LMAN2: variants seen among roughly 807,000 people sequenced by gnomAD.
LMAN2 encodes the protein lectin, mannose binding 2.
A neutral mutation model predicts 39.3 loss-of-function variants in LMAN2; 22 were observed. The ratio of observed to expected loss-of-function variants is 0.56; its 90% CI spans 0.40 to 0.80. LMAN2 has a LOEUF of 0.80. LMAN2 is among the 30% of genes least tolerant of loss of function. The pLI, the probability that LMAN2 is intolerant of heterozygous loss-of-function variation, is 0.00. For missense variants in LMAN2, 494 were observed against 505.4 expected (o/e 0.98, Z 0.22); for synonymous variants, 207 against 207.8 (o/e 1.00, Z 0.03).
chr5:177,332,057 C>G lies in LMAN2; in HGVS notation c.*29G>C, dbSNP rs370389140. On this transcript the variant is annotated 3_prime_UTR_variant, in exon 8 of 8. Coordinates refer to ENST00000303127, the MANE Select transcript of LMAN2 (RefSeq NM_006816.3). This position sits in a 1 kb window ranked among gnomAD's most constrained non-coding sequence, Gnocchi z 6.3. Reference sequence around the variant, plus strand: ...AAAAAGTTCACATTGGCTCCTGGGCCCAGGGACAGGCCCCGCCGGAGGCGC... The same window carrying G: ...AAAAAGTTCACATTGGCTCCTGGGCGCAGGGACAGGCCCCGCCGGAGGCGC... 2.5e-6 allele frequency: 4 copies of G among 1,573,924 alleles called. No individual in the cohort carries two copies. In the African/African-American group the frequency reaches 5.5e-5, roughly 21 times the overall value.
chr5:177,333,405 A>C (rs1293176642), intron 7 of LMAN2, among the ~76,000 whole-genome samples: 3 of 152,212 alleles, frequency 2.0e-5, no homozygotes, highest in Non-Finnish European at 2.9e-5. Flanking sequence ...GGCAGGTGCC[A>C]CCTCTGCAAA....
intron 2 of LMAN2, among the ~76,000 whole-genome samples, chr5:177,343,309 T>C (rs568301613): frequency 1.3e-5 from 2 of 152,180 alleles, no homozygotes; most frequent in Non-Finnish European, 2.9e-5. Flanking sequence ...ATTGGAATCC[T>C]TGTGCATTGC....
In LMAN2 at chr5:177,351,201, C is replaced by A; in HGVS notation, c.287G>T (p.Ser96Ile). The change falls in exon 2 of 8, where the codon AGC (serine) becomes ATC (isoleucine). Residue 96 changes from serine to isoleucine, a missense_variant. Transcript: ENST00000303127. ...QYVRLTPDER[S>I]KEGSIWNHQP... ...GTGGTTCCAGATAGAGCCCTCTTTG[C>A]TGCGCTCGTCAGGGGTCAGACGTAC... 6.2e-7 allele frequency: 1 copy of A among 1,614,186 alleles called. No homozygotes were observed. The highest frequency in any genetic ancestry group is 8.5e-7 in the Non-Finnish European group (1 of 1,180,016).
chr5:177,346,425 A>C, intron 2 of LMAN2: 1 of 556,300 alleles, frequency 1.8e-6, no homozygotes, highest in Non-Finnish European at 2.6e-6. Flanking sequence ...CAGATATTTA[A>C]AGTTGACTAT....
intron 2 of LMAN2, among the ~76,000 whole-genome samples, chr5:177,342,812 A>AG (rs1249964651): frequency 6.6e-6 from 1 of 152,126 alleles, no homozygotes; most frequent in African/African-American, 2.4e-5. Context: ...CACAGACAAA[A>AG]AAAAAAAAAA....
chr5:177,332,345 G>A lies in LMAN2; in HGVS notation c.911-99C>T. On this transcript the variant is annotated intron_variant, in intron 7 of 7. Transcript: ENST00000303127. The surrounding 1 kb of genome is among the most constrained non-coding windows in gnomAD (Gnocchi z 6.3). ...GGATGGAACAGGACAGCCGGCCACG[G>A]TGGGCAGGCCGGTCGTACTCACCCC... is the stretch of plus-strand genomic sequence containing the variant. 3.4e-6 allele frequency: 4 copies of A among 1,164,868 alleles called. No individual in the cohort carries two copies. Among genetic ancestry groups the A allele is most frequent in the Middle Eastern group, 2.8e-4 (1 of 3,534 alleles). The allele number at this position is 1,164,868 out of a possible 1,614,324, so 72.2% of individuals were successfully genotyped here.
rs370655312 is a variant in LMAN2, at chr5:177,337,535, G to C, written c.514-11C>G. ...GTACGGGAACACGCGCTGGGACCAA[G>C]ACATCGGTTACTCCACAAGCAGCCC... On this transcript the variant is annotated splice_polypyrimidine_tract_variant and intron_variant, in intron 4 of 7. Coordinates refer to ENST00000303127, the MANE Select transcript of LMAN2 (RefSeq NM_006816.3). This position sits in a 1 kb window ranked among gnomAD's most constrained non-coding sequence, Gnocchi z 8.2. The C allele has an allele frequency of 6.2e-7, 1 of 1,613,256 alleles. No homozygotes were observed. The highest frequency in any genetic ancestry group is 8.5e-7 in the Non-Finnish European group (1 of 1,179,344).
chr5:177,351,665 CACTTCCGCCCTAGA>C (rs1761730769), exon 1 of LMAN2: 4 of 1,553,858 alleles, frequency 2.6e-6, no homozygotes, highest in Admixed American at 2.1e-5. Context: ...TCCTCTCGGC[CACTTCCGCCCTAGA>C]ACTTCCGCCT....
chr5:177,343,710 T>C (rs1050804575), intron 2 of LMAN2, among the ~76,000 whole-genome samples: 1 of 152,222 alleles, frequency 6.6e-6, no homozygotes, highest in Non-Finnish European at 1.5e-5. Context: ...TATGCCTCCA[T>C]TTATCATTTA....
chr5:177,348,794 G>C (rs1761677512), intron 2 of LMAN2, among the ~76,000 whole-genome samples: 1 of 145,926 alleles, frequency 6.9e-6, no homozygotes, highest in Non-Finnish European at 1.5e-5. Flanking sequence ...TGAGGCAGGA[G>C]AATCACTTGA....
intron 2 of LMAN2, among the ~76,000 whole-genome samples, chr5:177,342,973 G>A (rs1207854858): frequency 1.3e-5 from 2 of 152,138 alleles, no homozygotes; most frequent in African/African-American, 4.8e-5. Context: ...AAAACCCTAG[G>A]CCGGGCGCGG....
Position 177,331,869 on chromosome 5 carries a change from G to A in LMAN2, c.*217C>T. On this transcript the variant is annotated 3_prime_UTR_variant, in exon 8 of 8. Transcript: ENST00000303127. Reference sequence around the variant, plus strand: ...TGCTCCTGAGACACCAGCCCCAGGAGAGCCTCCGTCTCCAGCTGTGGGGGG... The same window carrying A: ...TGCTCCTGAGACACCAGCCCCAGGAAAGCCTCCGTCTCCAGCTGTGGGGGG... 5.7e-6 allele frequency: 3 copies of A among 523,882 alleles called. No homozygotes were observed. The highest frequency in any genetic ancestry group is 6.5e-5 in the Admixed American group (2 of 30,550). 32.5% of individuals were successfully genotyped at this position (523,882 alleles called of 1,614,324 possible).
Position 177,346,672 on chromosome 5 carries a change from CT to C in LMAN2, c.315+4500del, listed in dbSNP as rs934558836. Among the ~76,000 whole-genome samples, 460 of 144,676 alleles carry C rather than the reference CT, an allele frequency of 3.2e-3. 2 individuals carry two copies. The highest frequency in any genetic ancestry group is 4.9e-3 in the African/African-American group (194 of 39,692). The allele number at this position is 144,676 out of a possible 152,430, so 94.9% of individuals were successfully genotyped here. ...TCCATATACAGAAATTTTTTTAACA[CT>C]TTTTTTTTTTTTGAGATGGGGTCTT... On this transcript the variant is annotated intron_variant, in intron 2 of 7. Coordinates refer to ENST00000303127, the MANE Select transcript of LMAN2 (RefSeq NM_006816.3).
intron 2 of LMAN2, among the ~76,000 whole-genome samples, chr5:177,348,203 C>G (rs1434426088): frequency 1.3e-5 from 2 of 152,034 alleles, no homozygotes; most frequent in African/African-American, 4.8e-5. Context: ...CAAGTGTGTA[C>G]AGATAATTAT....
chr5:177,343,212 G>A (rs1223823457), intron 2 of LMAN2, among the ~76,000 whole-genome samples: 2 of 152,082 alleles, frequency 1.3e-5, no homozygotes, highest in East Asian at 1.9e-4. Context: ...CCGAGATCGC[G>A]CCACTGCACT....
Sources: gnomAD v4.1 joint callset for allele counts (sites outside exome capture counted in the v4.1 genomes callset) on GRCh38, gnomAD v4.1.1 for gene constraint, Gnocchi (gnomAD v3.1) non-coding constraint, MANE v1.5 for transcripts, NCBI Gene and HGNC (gene_info 2026-07-23, HGNC 2026-07-21) for gene names.